Variants in KYAT3 observed in about 807,000 individuals in gnomAD.
KYAT3 encodes kynurenine--oxoglutarate transaminase 3.
KYAT3 carries 50 observed loss-of-function variants against 59.0 expected under a neutral mutation model. The ratio of observed to expected loss-of-function variants is 0.85; its 90% confidence interval spans 0.68 to 1.07. The LOEUF (loss-of-function observed/expected upper bound fraction) is 1.07, where lower values mean the gene tolerates loss of function less well. Ranked by LOEUF, KYAT3 falls within the 50% of genes least tolerant of loss-of-function variation. KYAT3 has a pLI of 0.00. For missense variants in KYAT3, 497 were observed against 533.3 expected, an observed-to-expected ratio of 0.93 and a Z score of 0.67; for synonymous variants, 148 against 177.0, an observed-to-expected ratio of 0.84 and a Z score of 1.30.
rs778277885 is a variant in KYAT3, at chr1:88,983,289, T to C, written c.99+4963A>G. 3.8e-5 allele frequency: 61 copies of C among 1,613,800 alleles called. No individual in the cohort carries two copies. Among genetic ancestry groups the C allele is most frequent in the Non-Finnish European group, 5.0e-5 (59 of 1,179,974 alleles). Reference sequence around the variant, plus strand: ...TCTCTTCCACGTGATAGAGGAGCTCTTCCTCCCATTCCACTGCTGCTGCGA... The same window carrying C: ...TCTCTTCCACGTGATAGAGGAGCTCCTCCTCCCATTCCACTGCTGCTGCGA... On this transcript the variant is annotated intron_variant, in intron 2 of 13. Transcript: ENST00000260508.
intron 13 of KYAT3, among the ~76,000 whole-genome samples, chr1:88,941,166 T>C (rs536055618): frequency 2.0e-5 from 3 of 152,362 alleles, no homozygotes; most frequent in East Asian, 3.9e-4. Flanking sequence ...CAGTGTAAGA[T>C]GAAGGATATT....
At chr1:88,937,277 C>T (rs12729558) in intron 13 of KYAT3, among the ~76,000 whole-genome samples, 16 of 151,822 alleles carry the variant, frequency 1.1e-4, no homozygotes, top group African/African-American at 3.6e-4. Flanking sequence ...AAGCCCAGGT[C>T]GGGTGAAGAT....
intron 2 of KYAT3, among the ~76,000 whole-genome samples, chr1:88,976,282 G>A (rs938930019): frequency 1.3e-5 from 2 of 151,026 alleles, no homozygotes; most frequent in Non-Finnish European, 1.5e-5. Flanking sequence ...GCTTGCACCC[G>A]GGAGGCAGAG....
intron 8 of KYAT3, among the ~76,000 whole-genome samples, chr1:88,959,566 CTG>C (rs1676063302): frequency 1.4e-5 from 1 of 73,858 alleles, no homozygotes. Context: ...GAGCAAGACT[CTG>C]TCTCAAAAAA....
At chr1:88,990,200 G>C (rs1033762353) in intron 1 of KYAT3, among the ~76,000 whole-genome samples, 1 of 151,746 alleles carries the variant, frequency 6.6e-6, no homozygotes, top group African/African-American at 2.4e-5. Context: ...TTCCCTCTAC[G>C]GATACCTTGC....
chr1:88,932,456 C>G (rs758823675), downstream of KYAT3, among the ~76,000 whole-genome samples: 4 of 151,878 alleles, frequency 2.6e-5, no homozygotes, highest in Non-Finnish European at 5.9e-5. Flanking sequence ...GGGTTGTTTC[C>G]CATTTGGAGT....
chr1:88,982,581 T>A, intron 2 of KYAT3: 1 of 1,516,442 alleles, frequency 6.6e-7, no homozygotes, highest in Non-Finnish European at 8.8e-7. Flanking sequence ...CCTTGGGTAG[T>A]TATGATAGAA....
chr1:88,962,288 A>T, intron 5 of KYAT3, 143 bp from the exon 6 acceptor site: 1 of 642,688 alleles, frequency 1.6e-6, no homozygotes, highest in South Asian at 2.0e-5. Context: ...TGGAGCTAAC[A>T]TCTGAGGGGA....
chr1:88,956,563 C>T (rs1333997567), intron 8 of KYAT3, among the ~76,000 whole-genome samples: 5 of 152,124 alleles, frequency 3.3e-5, no homozygotes, highest in African/African-American at 2.4e-5. Context: ...ACAATGACAA[C>T]TGTAATGCAG....
At chr1:88,949,347 T>A in intron 10 of KYAT3, 70 bp from the exon 11 acceptor site, 1 of 1,105,656 alleles carries the variant, frequency 9.0e-7, no homozygotes, top group Non-Finnish European at 1.3e-6. Flanking sequence ...TTTATTGGTA[T>A]AATAAATAGA....
At chr1:88,926,678 T>G in the KYAT3 span, among the ~76,000 whole-genome samples, 2 of 152,178 alleles carry the variant, frequency 1.3e-5, no homozygotes, top group African/African-American at 4.8e-5. Flanking sequence ...ATTCAGTAAT[T>G]GATAGGGAGA....
At chr1:88,924,259 T>A in the KYAT3 span, among the ~76,000 whole-genome samples, 1 of 152,086 alleles carries the variant, frequency 6.6e-6, no homozygotes, top group East Asian at 1.9e-4. Context: ...GGGTTAGGAG[T>A]CAAAAGCCCA....
chr1:88,945,283 G>A (rs530138754), intron 11 of KYAT3, among the ~76,000 whole-genome samples: 66 of 152,300 alleles, frequency 4.3e-4, no homozygotes, highest in Admixed American at 1.4e-3. Flanking sequence ...GGGAACTAAA[G>A]TCTTTCTTTA....
intron 8 of KYAT3, among the ~76,000 whole-genome samples, chr1:88,956,920 C>A (rs546338094): frequency 6.6e-6 from 1 of 152,274 alleles, no homozygotes; most frequent in South Asian, 2.1e-4. Context: ...AGTTTTTCCA[C>A]TTGTTTTTCA....
intron 1 of KYAT3, among the ~76,000 whole-genome samples, chr1:88,991,585 G>A (rs1677796003): frequency 1.3e-5 from 2 of 152,352 alleles, no homozygotes; most frequent in East Asian, 1.9e-4. Context: ...GTGGAAGGAT[G>A]CGCTTCAAAG....
intron 2 of KYAT3, among the ~76,000 whole-genome samples, chr1:88,973,056 T>A (rs12729969): frequency 0.42 from 63,914 of 151,904 alleles, 14,280 homozygotes; most frequent in Non-Finnish European, 0.49. Context: ...ATATGACTGG[T>A]GGTCTTATAA....
At chr1:88,978,128 A>AT (rs1352730005) in intron 2 of KYAT3, among the ~76,000 whole-genome samples, 1 of 152,146 alleles carries the variant, frequency 6.6e-6, no homozygotes, top group Non-Finnish European at 1.5e-5. Flanking sequence ...TATGTTATGT[A>AT]TATTTTGATG....
the KYAT3 span, among the ~76,000 whole-genome samples, chr1:88,927,473 A>T: frequency 5.3e-5 from 8 of 152,280 alleles, no homozygotes; most frequent in East Asian, 1.5e-3. Flanking sequence ...ATTAAGAGAC[A>T]ACTGGCAATT....
rs534815847 is a variant in KYAT3 at position 88,983,731 on chromosome 1, T to A, written c.99+4521A>T. On this transcript the variant is annotated intron_variant, in intron 2 of 13. Transcript: ENST00000260508. ...TTATCAAGAGTACTTCCACTATTCG[T>A]CCATATTTGCCAAATACTGTTTCAA... is the stretch of plus-strand genomic sequence containing the variant. The A allele has an allele frequency of 4.3e-6, 7 of 1,614,074 alleles. No individual in the cohort carries two copies. In the East Asian group the frequency reaches 1.6e-4, roughly 36 times the overall value.
Sources: allele counts gnomAD v4.1 joint callset (sites outside exome capture counted in the v4.1 genomes callset), GRCh38; gene constraint gnomAD v4.1.1; transcripts MANE v1.5; gene names NCBI Gene and HGNC (gene_info 2026-07-23, HGNC 2026-07-21).